LY96: variants seen among roughly 807,000 people sequenced by gnomAD.
The protein encoded by LY96 is lymphocyte antigen 96, also known as myeloid differentiation protein-2.
Under a neutral mutation model 18.9 loss-of-function variants are expected in LY96, and 18 were observed. That is an observed-to-expected ratio of 0.95 (90% CI 0.66 to 1.41). LY96 has a LOEUF of 1.41. Ranked by LOEUF, LY96 falls within the 40% of genes most tolerant of loss-of-function variation. The pLI, the probability that LY96 is intolerant of heterozygous loss-of-function variation, is 0.00. For synonymous variants in LY96, 66 were observed against 62.6 expected, an observed-to-expected ratio of 1.06 and a Z score of -0.26; for missense variants, 175 against 182.4, an observed-to-expected ratio of 0.96 and a Z score of 0.23.
At chr8:74,081,046 CTTT>C in the LY96 span, among the ~76,000 whole-genome samples, 1,184 of 86,802 alleles carry the variant, frequency 0.014, 55 homozygotes, top group African/African-American at 0.054. Flanking sequence ...TTCTTTCTTT[CTTT>C]TTCTTTCTTT....
At chr8:74,053,141 A>G in the LY96 span, among the ~76,000 whole-genome samples, 10 of 152,088 alleles carry the variant, frequency 6.6e-5, no homozygotes, top group African/African-American at 2.4e-4. Flanking sequence ...CCAGGAACCC[A>G]AGCTAGGAAG....
chr8:74,065,553 C>G, the LY96 span, among the ~76,000 whole-genome samples: 3 of 152,162 alleles, frequency 2.0e-5, no homozygotes, highest in African/African-American at 4.8e-5. Context: ...AAGACTTATC[C>G]TGTGGGCTTT....
At chr8:74,070,117 G>A in the LY96 span, among the ~76,000 whole-genome samples, 3 of 149,620 alleles carry the variant, frequency 2.0e-5, no homozygotes, top group Non-Finnish European at 4.4e-5. Flanking sequence ...TTTGAGACGC[G>A]GTGTCACTCT....
intron 1 of LY96, among the ~76,000 whole-genome samples, chr8:74,002,986 T>C (rs570195436): frequency 6.6e-6 from 1 of 152,336 alleles, no homozygotes; most frequent in East Asian, 1.9e-4. Context: ...TTTATGGAGG[T>C]ATTTTAAATT....
chr8:74,032,213 T>G (rs1251294353), downstream of LY96, among the ~76,000 whole-genome samples: 2 of 152,206 alleles, frequency 1.3e-5, no homozygotes, highest in African/African-American at 4.8e-5. Context: ...AAATGAATTG[T>G]TCCATTTTGT....
the LY96 span, among the ~76,000 whole-genome samples, chr8:74,085,287 T>A: frequency 6.6e-6 from 1 of 152,342 alleles, no homozygotes; most frequent in Non-Finnish European, 1.5e-5. Context: ...AAACCTATGA[T>A]TGTCTGGTTT....
At chr8:74,059,450 A>G in the LY96 span, among the ~76,000 whole-genome samples, 1 of 152,238 alleles carries the variant, frequency 6.6e-6, no homozygotes, top group African/African-American at 2.4e-5. Context: ...ATATAAAGAC[A>G]TTTTTAAAAA....
intron 1 of LY96, among the ~76,000 whole-genome samples, chr8:73,996,372 CCTTT>C (rs541600290): frequency 0.017 from 1,869 of 110,552 alleles, 29 homozygotes; most frequent in African/African-American, 0.022. Flanking sequence ...TTCCTTCATT[CCTTT>C]CTTTCTTTCT....
chr8:74,099,259 G>A, the LY96 span, among the ~76,000 whole-genome samples: 6 of 152,178 alleles, frequency 3.9e-5, no homozygotes, highest in Admixed American at 1.3e-4. Flanking sequence ...ACGGTCCTCA[G>A]CCATGATGGT....
At chr8:74,050,748 G>A in the LY96 span, among the ~76,000 whole-genome samples, 1 of 152,176 alleles carries the variant, frequency 6.6e-6, no homozygotes, top group African/African-American at 2.4e-5. Context: ...ACTCAGCTGG[G>A]CACGGGGGCT....
intron 3 of LY96, among the ~76,000 whole-genome samples, chr8:74,023,437 AT>A (rs1816809521): frequency 6.6e-6 from 1 of 152,210 alleles, no homozygotes; most frequent in South Asian, 2.1e-4. Flanking sequence ...TCACTGTTGA[AT>A]AGCAGGCCTG....
chr8:74,038,324 C>T, the LY96 span, among the ~76,000 whole-genome samples: 2 of 152,002 alleles, frequency 1.3e-5, no homozygotes, highest in Admixed American at 6.6e-5. Flanking sequence ...ACCCATTAAC[C>T]AACCCCACTC....
the LY96 span, among the ~76,000 whole-genome samples, chr8:74,068,089 A>AATAT: frequency 4.0e-3 from 273 of 67,898 alleles, 22 homozygotes; most frequent in Admixed American, 0.011. Flanking sequence ...AAAAAAAAAA[A>AATAT]ATATATATAT....
At chr8:74,070,138 C>T in the LY96 span, among the ~76,000 whole-genome samples, 24 of 151,312 alleles carry the variant, frequency 1.6e-4, no homozygotes, top group Non-Finnish European at 2.8e-4. Context: ...GTTGCCCAGG[C>T]TAGAGTGCAG....
At chr8:74,038,962 T>C in the LY96 span, among the ~76,000 whole-genome samples, 1 of 152,246 alleles carries the variant, frequency 6.6e-6, no homozygotes. Context: ...TATACTAATT[T>C]ACATTCATGC....
At chr8:74,066,562 G>C in the LY96 span, among the ~76,000 whole-genome samples, 2 of 152,134 alleles carry the variant, frequency 1.3e-5, no homozygotes, top group Admixed American at 6.5e-5. Context: ...GTGGAGAAAA[G>C]AAGTATAAAA....
At chr8:74,066,541 G>C in the LY96 span, among the ~76,000 whole-genome samples, 1 of 152,244 alleles carries the variant, frequency 6.6e-6, no homozygotes, top group South Asian at 2.1e-4. Context: ...TGTATTTTGT[G>C]GGGGATGGGT....
chr8:74,056,056 A>C, the LY96 span: 1 of 157,732 alleles, frequency 6.3e-6, no homozygotes, highest in Non-Finnish European at 1.4e-5. Context: ...CAAAAACTGC[A>C]TCTGTTGGCC....
At chr8:74,045,420 C>T in the LY96 span, among the ~76,000 whole-genome samples, 1 of 152,180 alleles carries the variant, frequency 6.6e-6, no homozygotes, top group Non-Finnish European at 1.5e-5. Context: ...AACCCTGACA[C>T]ATTTTAAGGT....
Sources: gnomAD v4.1 joint callset for allele counts (sites outside exome capture counted in the v4.1 genomes callset) on GRCh38, gnomAD v4.1.1 for gene constraint, MANE v1.5 for transcripts, NCBI Gene and HGNC (gene_info 2026-07-23, HGNC 2026-07-21) for gene names.